The following MARCHF1 variants were observed in gnomAD, a reference collection of about 807,000 sequenced individuals.
MARCHF1 encodes membrane associated ring-CH-type finger 1.
MARCHF1 carries 40 observed loss-of-function variants against 54.2 expected under a neutral mutation model. That is an observed-to-expected ratio of 0.74 (90% CI 0.57 to 0.96). The LOEUF is 0.96. Among genes scored for constraint, MARCHF1 ranks in the 40% least tolerant of loss-of-function variants. MARCHF1 has a pLI of 0.00. For synonymous variants in MARCHF1, 236 were observed against 236.3 expected (o/e 1.00, Z 0.01); for missense variants, 586 against 656.5 (o/e 0.89, Z 1.17).
At chr4:164,380,151 CAAG>C (rs1025513892) in intron 1 of MARCHF1, among the ~76,000 whole-genome samples, 1 of 152,138 alleles carries the variant, frequency 6.6e-6, no homozygotes, top group Non-Finnish European at 1.5e-5. Context: ...AGTGCATTGA[CAAG>C]AATGCCACAA....
intron 2 of MARCHF1, among the ~76,000 whole-genome samples, chr4:164,047,741 C>A (rs1435326780): frequency 1.3e-5 from 2 of 152,184 alleles, no homozygotes; most frequent in Admixed American, 1.3e-4. Flanking sequence ...CAAGGTTCAG[C>A]CTAAATCCAG....
chr4:163,643,536 T>G (rs894291713), intron 5 of MARCHF1, among the ~76,000 whole-genome samples: 2 of 152,082 alleles, frequency 1.3e-5, no homozygotes, highest in African/African-American at 4.8e-5. Flanking sequence ...TAATATTTTG[T>G]TCTTAAAAAT....
At chr4:163,545,836 A>G in intron 8 of MARCHF1, 93 bp from the exon 9 acceptor site, 2 of 1,063,540 alleles carry the variant, frequency 1.9e-6, no homozygotes, top group South Asian at 2.9e-5. Flanking sequence ...GAATGGAAGA[A>G]AAACAGTAAA....
intron 4 of MARCHF1, 98 bp downstream of exon 4, chr4:163,853,919 GTAAA>G (rs1446840274): frequency 9.8e-7 from 1 of 1,022,308 alleles, no homozygotes; most frequent in Admixed American, 2.9e-5. Flanking sequence ...AAATACTGTT[GTAAA>G]CAACGATAAC....
chr4:163,743,317 A>G (rs1028793409), intron 4 of MARCHF1, among the ~76,000 whole-genome samples: 5 of 152,316 alleles, frequency 3.3e-5, no homozygotes, highest in Admixed American at 3.3e-4. Flanking sequence ...TCATATACTC[A>G]TTACAGATAA....
chr4:163,568,394 T>C (rs1326171896), intron 8 of MARCHF1, among the ~76,000 whole-genome samples: 2 of 152,168 alleles, frequency 1.3e-5, no homozygotes, highest in African/African-American at 4.8e-5. Context: ...TAGTTTCTAC[T>C]GTTTCTCCAA....
chr4:164,071,476 A>G (rs1754866265), intron 2 of MARCHF1, among the ~76,000 whole-genome samples: 1 of 152,124 alleles, frequency 6.6e-6, no homozygotes, highest in Non-Finnish European at 1.5e-5. Context: ...TATTAAGAAA[A>G]TGTTACAAAC....
At chr4:164,051,103 C>T (rs980291285) in intron 2 of MARCHF1, among the ~76,000 whole-genome samples, 5 of 152,114 alleles carry the variant, frequency 3.3e-5, no homozygotes, top group African/African-American at 4.8e-5. Flanking sequence ...GTGTGCACCA[C>T]GAATTGGAGG....
At chr4:164,235,754 C>T (rs1247604526) in intron 1 of MARCHF1, among the ~76,000 whole-genome samples, 1 of 151,250 alleles carries the variant, frequency 6.6e-6, no homozygotes, top group African/African-American at 2.4e-5. Flanking sequence ...TGGGAGGGGC[C>T]CTGGGGATAA....
At chr4:164,323,597 C>CAAAAAAAAAAAAAAAA (rs70952622) in intron 1 of MARCHF1, among the ~76,000 whole-genome samples, 2 of 30,928 alleles carry the variant, frequency 6.5e-5, no homozygotes, top group Non-Finnish European at 1.0e-4. Flanking sequence ...GGATGAGTAG[C>CAAAAAAAAAAAAAAAA]AAAAAAAAAA....
intron 1 of MARCHF1, among the ~76,000 whole-genome samples, chr4:164,341,993 A>G (rs948692929): frequency 2.6e-5 from 4 of 152,230 alleles, no homozygotes; most frequent in African/African-American, 9.6e-5. Context: ...AAAAGAATAA[A>G]ACAAGAATTT....
intron 1 of MARCHF1, among the ~76,000 whole-genome samples, chr4:164,318,435 A>G (rs554237818): frequency 1.0e-3 from 153 of 152,338 alleles, no homozygotes; most frequent in African/African-American, 3.6e-3. Context: ...CACATAATTC[A>G]GAAATGGTCA....
chr4:163,590,255 TAAA>T (rs371898817), intron 7 of MARCHF1, among the ~76,000 whole-genome samples: 3 of 129,784 alleles, frequency 2.3e-5, no homozygotes, highest in African/African-American at 5.6e-5. Flanking sequence ...AACTCATCAC[TAAA>T]AAAAAAAAAA....
chr4:163,979,543 G>A (rs1399290239), intron 3 of MARCHF1, among the ~76,000 whole-genome samples: 1 of 149,160 alleles, frequency 6.7e-6, no homozygotes, highest in African/African-American at 2.5e-5. Flanking sequence ...ACCCAGTAAT[G>A]GGATGGCTGG....
intron 3 of MARCHF1, among the ~76,000 whole-genome samples, chr4:163,953,978 C>T (rs1449266369): frequency 6.6e-6 from 1 of 152,126 alleles, no homozygotes; most frequent in Non-Finnish European, 1.5e-5. Flanking sequence ...CAATAAAAAA[C>T]TACAGCAGAA....
chr4:164,149,276 C>G (rs1729863893), intron 1 of MARCHF1, among the ~76,000 whole-genome samples: 1 of 152,124 alleles, frequency 6.6e-6, no homozygotes, highest in Admixed American at 6.6e-5. Context: ...TCAGTCATTC[C>G]TTTATAGCAA....
At chr4:164,296,849 A>T (rs1017403678) in intron 1 of MARCHF1, among the ~76,000 whole-genome samples, 3 of 152,144 alleles carry the variant, frequency 2.0e-5, no homozygotes, top group Non-Finnish European at 4.4e-5. Flanking sequence ...TGGAACCAAG[A>T]AGCCAGGAAA....
intron 1 of MARCHF1, among the ~76,000 whole-genome samples, chr4:164,165,669 G>A (rs7676372): frequency 0.18 from 26,784 of 151,858 alleles, 3,614 homozygotes; most frequent in African/African-American, 0.37. Context: ...CTCTTGTAGA[G>A]CAAAAACACA....
At chr4:164,091,232 G>C (rs965296707) in intron 2 of MARCHF1, among the ~76,000 whole-genome samples, 3 of 151,784 alleles carry the variant, frequency 2.0e-5, no homozygotes, top group African/African-American at 7.3e-5. Flanking sequence ...AGTGTTGAAT[G>C]ATATCTTCTT....
Sources: gnomAD v4.1 joint callset for allele counts (sites outside exome capture counted in the v4.1 genomes callset) on GRCh38, gnomAD v4.1.1 for gene constraint, MANE v1.5 for transcripts, NCBI Gene and HGNC (gene_info 2026-07-23, HGNC 2026-07-21) for gene names.